Variants in ZCCHC7 observed in about 807,000 individuals in gnomAD.
The protein encoded by ZCCHC7 is zinc finger CCHC-type containing 7, also known as zinc finger CCHC domain-containing protein 7.
In ZCCHC7, 35 loss-of-function variants were observed where a neutral mutation model predicts 52.0. That is an observed-to-expected ratio of 0.67 (90% CI 0.51 to 0.89). The LOEUF (loss-of-function observed/expected upper bound fraction) is 0.89, where lower values mean the gene tolerates loss of function less well. ZCCHC7 is among the 40% of genes least tolerant of loss of function. ZCCHC7 has a pLI of 0.00. For missense variants in ZCCHC7, 574 were observed against 649.1 expected (o/e 0.88, Z 1.26); for synonymous variants, 217 against 221.5 (o/e 0.98, Z 0.18).
chr9:37,231,483 C>G (rs1345504298), intron 2 of ZCCHC7, among the ~76,000 whole-genome samples: 1 of 151,916 alleles, frequency 6.6e-6, no homozygotes, highest in Non-Finnish European at 1.5e-5. Context: ...ATATTTGTTC[C>G]TGGTTAATAG....
chr9:37,333,237 T>G (rs1488554909), intron 6 of ZCCHC7, among the ~76,000 whole-genome samples: 1 of 151,648 alleles, frequency 6.6e-6, no homozygotes, highest in Non-Finnish European at 1.5e-5. Context: ...TTAGGAAAGA[T>G]TTATCATAAA....
intron 2 of ZCCHC7, among the ~76,000 whole-genome samples, chr9:37,223,298 T>C (rs916714392): frequency 6.6e-6 from 1 of 152,178 alleles, no homozygotes; most frequent in Non-Finnish European, 1.5e-5. Flanking sequence ...TACAACTGAA[T>C]GTTACTCAGC....
chr9:37,307,983 A>G (rs1829409201), intron 5 of ZCCHC7, among the ~76,000 whole-genome samples: 2 of 152,320 alleles, frequency 1.3e-5, no homozygotes, highest in South Asian at 2.1e-4. Flanking sequence ...CAATGTATCT[A>G]CCTACCAGCA....
intron 2 of ZCCHC7, among the ~76,000 whole-genome samples, chr9:37,218,533 G>A (rs963279642): frequency 5.3e-5 from 8 of 152,238 alleles, no homozygotes; most frequent in Non-Finnish European, 8.8e-5. Flanking sequence ...TGGGCCAGGC[G>A]TGGTGGCTCA....
chr9:37,212,143 T>C (rs1334615586), intron 2 of ZCCHC7, among the ~76,000 whole-genome samples: 1 of 150,696 alleles, frequency 6.6e-6, no homozygotes, highest in African/African-American at 2.4e-5. Flanking sequence ...CATTTTTGAT[T>C]GTTACAACCT....
chr9:37,153,832 G>A (rs1310679210), intron 2 of ZCCHC7, among the ~76,000 whole-genome samples: 2 of 151,904 alleles, frequency 1.3e-5, no homozygotes, highest in Admixed American at 1.3e-4. Context: ...CCAAAATCTG[G>A]GTGCTCAGTG....
intron 6 of ZCCHC7, among the ~76,000 whole-genome samples, chr9:37,336,998 A>G (rs2118389712): frequency 6.6e-6 from 1 of 152,260 alleles, no homozygotes; most frequent in African/African-American, 2.4e-5. Context: ...CTCTCCGGAC[A>G]ATTGGCGGAG....
chr9:37,299,278 G>T (rs1441789272), intron 2 of ZCCHC7, among the ~76,000 whole-genome samples: 1 of 152,194 alleles, frequency 6.6e-6, no homozygotes. Context: ...CCTTGTGCTA[G>T]TTGCAAAGGT....
At chr9:37,225,246 G>C (rs1825033967) in intron 2 of ZCCHC7, among the ~76,000 whole-genome samples, 2 of 152,076 alleles carry the variant, frequency 1.3e-5, no homozygotes, top group African/African-American at 4.8e-5. Flanking sequence ...TTCCTTGAAA[G>C]TTAAAATTAA....
chr9:37,179,202 A>G (rs1822218115), intron 2 of ZCCHC7, among the ~76,000 whole-genome samples: 1 of 152,086 alleles, frequency 6.6e-6, no homozygotes, highest in South Asian at 2.1e-4. Flanking sequence ...TTATTTATTT[A>G]TTTATTTTTG....
chr9:37,216,676 A>G (rs1245638367), intron 2 of ZCCHC7, among the ~76,000 whole-genome samples: 1 of 152,190 alleles, frequency 6.6e-6, no homozygotes, highest in Non-Finnish European at 1.5e-5. Flanking sequence ...CTCTGTCTCA[A>G]AAATAAATAA....
chr9:37,236,854 T>G (rs1477968902), intron 2 of ZCCHC7, among the ~76,000 whole-genome samples: 1 of 152,224 alleles, frequency 6.6e-6, no homozygotes, highest in East Asian at 1.9e-4. Context: ...TGTTACATTT[T>G]GGCTTTAGAA....
chr9:37,355,907 T>C (rs1019760421), intron 8 of ZCCHC7, among the ~76,000 whole-genome samples: 1 of 152,230 alleles, frequency 6.6e-6, no homozygotes, highest in Non-Finnish European at 1.5e-5. Flanking sequence ...TGCATGAAAA[T>C]GTCATCTCTA....
At chr9:37,209,960 C>T (rs184141807) in intron 2 of ZCCHC7, among the ~76,000 whole-genome samples, 2 of 152,128 alleles carry the variant, frequency 1.3e-5, no homozygotes, top group East Asian at 3.9e-4. Context: ...TTCATTTGAC[C>T]CCATGATATA....
At chr9:37,170,343 A>G (rs1295057116) in intron 2 of ZCCHC7, among the ~76,000 whole-genome samples, 1 of 152,204 alleles carries the variant, frequency 6.6e-6, no homozygotes, top group African/African-American at 2.4e-5. Context: ...AAAGATTGCT[A>G]CACTCAAGAG....
intron 2 of ZCCHC7, among the ~76,000 whole-genome samples, chr9:37,252,629 A>G (rs1322811744): frequency 1.3e-5 from 2 of 152,206 alleles, no homozygotes; most frequent in Non-Finnish European, 2.9e-5. Context: ...AAGTGTAACT[A>G]ACGTTCAAGG....
intron 2 of ZCCHC7, among the ~76,000 whole-genome samples, chr9:37,177,785 C>A (rs1444772881): frequency 6.6e-6 from 1 of 152,046 alleles, no homozygotes; most frequent in African/African-American, 2.4e-5. Flanking sequence ...AGACATCAAA[C>A]AAATCCCAAT....
intron 2 of ZCCHC7, among the ~76,000 whole-genome samples, chr9:37,239,540 A>G (rs1407098937): frequency 1.3e-5 from 2 of 152,252 alleles, no homozygotes; most frequent in East Asian, 1.9e-4. Flanking sequence ...GGTTTTAAGC[A>G]TGGGATACTG....
At chr9:37,163,745 A>G (rs1433503842) in intron 2 of ZCCHC7, among the ~76,000 whole-genome samples, 4 of 152,220 alleles carry the variant, frequency 2.6e-5, no homozygotes, top group African/African-American at 9.6e-5. Context: ...AATCTCAAAA[A>G]TCTTTGCCTA....
Sources: gnomAD v4.1 joint callset for allele counts (sites outside exome capture counted in the v4.1 genomes callset) on GRCh38, gnomAD v4.1.1 for gene constraint, MANE v1.5 for transcripts, NCBI Gene and HGNC (gene_info 2026-07-23, HGNC 2026-07-21) for gene names.